The following ENTPD6 variants were observed in gnomAD, a reference collection of about 807,000 sequenced individuals.
ENTPD6 encodes the protein ectonucleoside triphosphate diphosphohydrolase 6.
Under a neutral mutation model 61.5 loss-of-function variants are expected in ENTPD6, and 46 were observed. The observed-to-expected ratio is 0.75, with a 90% confidence interval of 0.59 to 0.96. The LOEUF is 0.96. ENTPD6 is among the 40% of genes least tolerant of loss of function. The probability of loss-of-function intolerance (pLI) is 0.00; values close to 1 mark genes in which losing one functional copy is unlikely to be tolerated. For missense variants in ENTPD6, 612 were observed against 629.0 expected (o/e 0.97, Z 0.29); for synonymous variants, 252 against 255.5 (o/e 0.99, Z 0.13).
At chr20:25,213,982 A>G (rs1026680677) in intron 5 of ENTPD6, among the ~76,000 whole-genome samples, 2 of 152,324 alleles carry the variant, frequency 1.3e-5, no homozygotes, top group African/African-American at 2.4e-5. Context: ...GGTGCCTTCA[A>G]GGGACTTGAT....
intron 1 of ENTPD6, chr20:25,196,238 C>T (rs2090392653): frequency 8.9e-7 from 1 of 1,118,222 alleles, no homozygotes; most frequent in Non-Finnish European, 1.1e-6. Context: ...CTTCGCGTAG[C>T]AGTTTCTGGG....
chr20:25,207,034 C>T (rs201325750), intron 2 of ENTPD6, 42 bp from the exon 3 acceptor site: 9 of 1,545,616 alleles, frequency 5.8e-6, no homozygotes, highest in African/African-American at 1.4e-5. Context: ...TGGATCCTAG[C>T]ACCCTAACGT....
chr20:25,217,014 A>G (rs1421625197), intron 8 of ENTPD6, among the ~76,000 whole-genome samples: 2 of 152,242 alleles, frequency 1.3e-5, no homozygotes, highest in East Asian at 1.9e-4. Context: ...CGTTTGGGCC[A>G]GAGGATATGA....
rs1600540790 is a variant in ENTPD6, at chr20:25,207,071, A to G, written c.55-5A>G. The G allele has an allele frequency of 6.3e-7, 1 of 1,593,896 alleles. No individual in the cohort carries two copies. Among genetic ancestry groups the G allele is most frequent in the African/African-American group, 1.3e-5 (1 of 74,608 alleles). On this transcript the variant is annotated splice_polypyrimidine_tract_variant and splice_region_variant and intron_variant, in intron 2 of 14. Coordinates refer to ENST00000376652, the MANE Select transcript of ENTPD6 (RefSeq NM_001247.5). The stretch of plus-strand genomic sequence containing the variant: ...CTTTTCCTGCCTCTCCCCCCTTCCC[A>G]CCAGCAGCCGCAGCACGGTCCTTGG...
intron 12 of ENTPD6, 123 bp downstream of exon 12, chr20:25,223,101 A>C: frequency 8.8e-7 from 1 of 1,132,804 alleles, no homozygotes; most frequent in South Asian, 1.5e-5. Context: ...ACATCCCTGC[A>C]GGAGGCCAGA....
chr20:25,220,960 C>T (rs12106059), intron 10 of ENTPD6, among the ~76,000 whole-genome samples: 2,148 of 152,324 alleles, frequency 0.014, 49 homozygotes, highest in African/African-American at 0.049. Context: ...AAAGGACTGT[C>T]GTCACACTTC....
intron 2 of ENTPD6, 81 bp downstream of exon 2, chr20:25,206,671 A>C: frequency 2.9e-6 from 3 of 1,027,926 alleles, no homozygotes; most frequent in Non-Finnish European, 4.6e-6. Context: ...TAGAAGTATA[A>C]CTGAGGATTG....
chr20:25,214,390 T>A (rs2092187208), intron 5 of ENTPD6, among the ~76,000 whole-genome samples: 1 of 152,212 alleles, frequency 6.6e-6, no homozygotes, highest in African/African-American at 2.4e-5. Flanking sequence ...GCCGTCTGCC[T>A]TAGAGGGCTT....
At chr20:25,204,989 T>C (rs998005392) in intron 1 of ENTPD6, among the ~76,000 whole-genome samples, 3 of 152,214 alleles carry the variant, frequency 2.0e-5, no homozygotes, top group Non-Finnish European at 4.4e-5. Context: ...CCTTTGAGCT[T>C]CCTCTTTTGC....
At position 25,195,881 on chromosome 20, in the gene ENTPD6, C is replaced by CGCGGGCG; in HGVS notation, c.-16+15_-16+16insCGGGCGG. The CGCGGGCG allele has an allele frequency of 1.6e-6, 2 of 1,234,374 alleles. No individual in the cohort carries two copies. Among genetic ancestry groups the CGCGGGCG allele is most frequent in the African/African-American group, 3.1e-5 (2 of 64,406 alleles). 76.5% of individuals were successfully genotyped at this position (1,234,374 alleles called of 1,614,324 possible). On this transcript the variant is annotated intron_variant, in intron 1 of 14. Coordinates refer to ENST00000376652, the MANE Select transcript of ENTPD6 (RefSeq NM_001247.5). Reference sequence around the variant, plus strand: ...GCGCGGTGCATGGTAAGCGGCGGGCCGGGGCGCTGGCGGGGGCGGCCGGGG... The same window carrying CGCGGGCG: ...GCGCGGTGCATGGTAAGCGGCGGGCCGCGGGCGGGGGCGCTGGCGGGGGCGGCCGGGG...
At position 25,195,802 on chromosome 20, in the gene ENTPD6, G is replaced by A. The variant is rs1600446211; in HGVS notation, c.-81G>A. ...CCGGGGCGGGGGAGCCCAAAAGACC[G>A]GCTGCCGCCTGCTCCCCGGAAAAGG... On this transcript the variant is annotated 5_prime_UTR_variant, in exon 1 of 15. Coordinates refer to ENST00000376652, the MANE Select transcript of ENTPD6 (RefSeq NM_001247.5). 19 of 1,234,514 alleles carry A rather than the reference G, an allele frequency of 1.5e-5. No homozygotes were observed. The highest frequency in any genetic ancestry group is 3.2e-5 in the East Asian group (1 of 31,682). The allele number at this position is 1,234,514 out of a possible 1,614,324, so 76.5% of individuals were successfully genotyped here.
intron 6 of ENTPD6, among the ~76,000 whole-genome samples, chr20:25,215,403 C>G (rs1232637738): frequency 6.6e-6 from 1 of 151,984 alleles, no homozygotes; most frequent in Non-Finnish European, 1.5e-5. Context: ...CTGCTTCTTC[C>G]AAAAAGAGGA....
At chr20:25,223,700 CTT>C (rs74377963) in intron 12 of ENTPD6, among the ~76,000 whole-genome samples, 163 of 138,572 alleles carry the variant, frequency 1.2e-3, no homozygotes, top group Admixed American at 1.5e-3. Context: ...TTTTCAAGAA[CTT>C]TTTTTTTTTT....
At chr20:25,214,508 C>T (rs1176992283) in intron 5 of ENTPD6, among the ~76,000 whole-genome samples, 4 of 152,214 alleles carry the variant, frequency 2.6e-5, no homozygotes, top group African/African-American at 9.7e-5. Context: ...CCTTCTAAGC[C>T]CCAGCGGGCT....
At position 25,209,234 on chromosome 20, in the gene ENTPD6, C is replaced by G. The variant is rs531395979; in HGVS notation, c.377-615C>G. ...ATGCCATTCTCCTGCCTCAGCCTCC[C>G]GAGTAGCTGGGACTACAGGCGCCCG... On this transcript the variant is annotated intron_variant, in intron 3 of 14. Transcript: ENST00000376652. Among the ~76,000 whole-genome samples the G allele has an allele frequency of 1.1e-4, 17 of 151,868 alleles. No homozygotes were observed. The South Asian group carries it at 3.5e-3, about 32-fold the overall frequency.
intron 1 of ENTPD6, among the ~76,000 whole-genome samples, chr20:25,197,571 C>T (rs538257972): frequency 3.9e-5 from 6 of 152,350 alleles, no homozygotes; most frequent in Non-Finnish European, 8.8e-5. Context: ...AACCCCATTT[C>T]CTCTCCGGCA....
intron 12 of ENTPD6, 33 bp downstream of exon 12, chr20:25,223,011 TCGGGGCGGCA>T: frequency 1.0e-6 from 1 of 998,830 alleles, no homozygotes; most frequent in Non-Finnish European, 1.5e-6. Flanking sequence ...AGCAGGAAGG[TCGGGGCGGCA>T]GGGGGCGGGG....
Position 25,207,906 on chromosome 20 carries a change from T to C in ENTPD6, c.376+509T>C, listed in dbSNP as rs951088725. ...GCCTGGGCTTCGTTGGCTATGCTTC[T>C]AGGGTGGGCCTCAGGCCGGGGTGGG... On this transcript the variant is annotated intron_variant, in intron 3 of 14. Transcript: ENST00000376652. Among the ~76,000 whole-genome samples the C allele has an allele frequency of 2.6e-5, 4 of 152,204 alleles. No homozygotes were observed. In the East Asian group the frequency reaches 7.7e-4, roughly 29 times the overall value.
intron 8 of ENTPD6, 87 bp downstream of exon 8, chr20:25,216,823 C>T (rs528865493): frequency 2.6e-4 from 84 of 322,226 alleles, no homozygotes; most frequent in South Asian, 1.9e-3. Context: ...TGAGGTGCTG[C>T]GGGGTGGGGT....
Sources: allele counts gnomAD v4.1 joint callset (sites outside exome capture counted in the v4.1 genomes callset), GRCh38; gene constraint gnomAD v4.1.1; transcripts MANE v1.5; gene names NCBI Gene and HGNC (gene_info 2026-07-23, HGNC 2026-07-21).